The following MAST4 variants were observed in gnomAD, a reference collection of about 807,000 sequenced individuals.
The protein encoded by MAST4 is microtubule associated serine/threonine kinase family member 4.
MAST4 carries 89 observed loss-of-function variants against 162.7 expected under a neutral mutation model. The ratio of observed to expected loss-of-function variants is 0.55; its 90% CI spans 0.46 to 0.65. MAST4 has a LOEUF of 0.65. Ranked by LOEUF, MAST4 falls within the 30% of genes least tolerant of loss-of-function variation. The pLI, the probability that MAST4 is intolerant of heterozygous loss-of-function variation, is 0.00. For synonymous variants in MAST4, 1,479 were observed against 1,361.1 expected (o/e 1.09, Z -1.91); for missense variants, 3,153 against 3,374.0 (o/e 0.93, Z 1.62).
intron 1 of MAST4, among the ~76,000 whole-genome samples, chr5:66,707,747 G>A (rs1750227578): frequency 1.3e-5 from 2 of 152,110 alleles, no homozygotes; most frequent in Non-Finnish European, 2.9e-5. Flanking sequence ...GGGATATGGT[G>A]GTAGGGGGGA....
intron 1 of MAST4, among the ~76,000 whole-genome samples, chr5:66,632,596 A>G (rs926892029): frequency 6.6e-6 from 1 of 152,184 alleles, no homozygotes; most frequent in Non-Finnish European, 1.5e-5. Context: ...TTTCTAGTTT[A>G]TCCAGGTAGT....
At chr5:66,805,194 T>C (rs1356192949) in intron 3 of MAST4, among the ~76,000 whole-genome samples, 1 of 152,246 alleles carries the variant, frequency 6.6e-6, no homozygotes, top group Admixed American at 6.5e-5. Flanking sequence ...TTCCTCTTTT[T>C]CCAGAGATAG....
intron 4 of MAST4, among the ~76,000 whole-genome samples, chr5:66,926,608 G>GTATATGTATATATGTGTGTA: frequency 6.6e-6 from 1 of 150,954 alleles, no homozygotes; most frequent in African/African-American, 2.4e-5. Flanking sequence ...ATATATGTAT[G>GTATATGTATATATGTGTGTA]TATATGTATA....
Position 67,164,754 on chromosome 5 carries a change from C to G in MAST4, c.5575C>G (p.Leu1859Val), listed in dbSNP as rs1467442665. The G allele has an allele frequency of 6.2e-7, 1 of 1,614,004 alleles. No individual in the cohort carries two copies. The highest frequency in any genetic ancestry group is 1.7e-5 in the Admixed American group (1 of 60,024). The change falls in exon 29 of 29, where the codon CTT becomes GTT. Residue 1859 changes from leucine to valine, a missense_variant. Physicochemically the swap from Leu to Val is conservative, Grantham distance 32. This residue lies in a region of MAST4 where 1,644 missense variants were observed against 1,495.0 expected (regional missense o/e 1.10). Coordinates refer to ENST00000403625, the MANE Select transcript of MAST4 (RefSeq NM_001164664.2). The surrounding 1 kb of genome is among the most constrained non-coding windows in gnomAD (Gnocchi z 5.3). ...KKNDTTSARE[L>V]SPSSLKMNKS... is the part of the protein sequence containing the mutation. The stretch of plus-strand genomic sequence containing the variant: ...GAACGATACCACCAGTGCAAGAGAG[C>G]TTTCTCCTTCCAGCTTAAAGATGAA...
rs1380214750 is a variant in MAST4, at chr5:67,110,151, A to T, written c.1410A>T (p.Arg470=). The T allele has an allele frequency of 1.2e-6, 2 of 1,613,846 alleles. No homozygotes were observed. The change falls in exon 11 of 29, where the codon CGA becomes CGT. Residue 470 remains arginine, a synonymous_variant. Coordinates refer to ENST00000403625, the MANE Select transcript of MAST4 (RefSeq NM_001164664.2). ...TGGCATTTATTAAACAACTAGTTCGAAAGATCCTAATTGTTATTGCCCGCC... is the reference window on the plus strand; with the variant it reads ...TGGCATTTATTAAACAACTAGTTCGTAAGATCCTAATTGTTATTGCCCGCC... The part of the protein sequence containing the change: ...GELAFIKQLV[R]KILIVIARPA...
chr5:66,700,537 C>G (rs1465982959), intron 1 of MAST4, among the ~76,000 whole-genome samples: 5 of 151,756 alleles, frequency 3.3e-5, no homozygotes, highest in Non-Finnish European at 7.4e-5. Flanking sequence ...TAAAAACTAG[C>G]CGGGCTGGTG....
At chr5:67,134,137 T>C (rs996804640) in intron 17 of MAST4, among the ~76,000 whole-genome samples, 1 of 152,180 alleles carries the variant, frequency 6.6e-6, no homozygotes. Flanking sequence ...TGTGTGAATA[T>C]ATTTTGGTCA....
intron 11 of MAST4, 41 bp downstream of exon 11, chr5:67,110,240 C>T (rs766341319): frequency 4.9e-6 from 7 of 1,422,164 alleles, no homozygotes; most frequent in East Asian, 2.3e-5. Flanking sequence ...TTATTGTTAA[C>T]TGGGAAAGCA....
chr5:67,132,361 T>C (rs985785807), intron 16 of MAST4, among the ~76,000 whole-genome samples: 2 of 152,090 alleles, frequency 1.3e-5, no homozygotes, highest in South Asian at 2.1e-4. Context: ...ATTAATAACT[T>C]ATCAGCAACA....
chr5:67,036,792 G>A (rs562376673), intron 4 of MAST4, among the ~76,000 whole-genome samples: 192 of 152,176 alleles, frequency 1.3e-3, no homozygotes, highest in Middle Eastern at 3.4e-3. Flanking sequence ...CATAACTCAC[G>A]GATACAGAGA....
At chr5:66,914,336 G>T (rs1463037069) in intron 4 of MAST4, among the ~76,000 whole-genome samples, 1 of 152,198 alleles carries the variant, frequency 6.6e-6, no homozygotes, top group Non-Finnish European at 1.5e-5. Flanking sequence ...AGAGAAGAAG[G>T]ACCAGGCTGG....
chr5:66,920,198 C>G (rs1402049808), intron 4 of MAST4, among the ~76,000 whole-genome samples: 1 of 152,052 alleles, frequency 6.6e-6, no homozygotes, highest in Non-Finnish European at 1.5e-5. Context: ...ACAAACTATG[C>G]TAAATAAAAG....
chr5:66,639,575 CA>C (rs971125484), intron 1 of MAST4, among the ~76,000 whole-genome samples: 1 of 151,842 alleles, frequency 6.6e-6, no homozygotes, highest in Non-Finnish European at 1.5e-5. Flanking sequence ...TGCCTAAGGA[CA>C]AAAAACAGCT....
At chr5:66,916,958 G>A (rs1227794884) in intron 4 of MAST4, 7 of 717,290 alleles carry the variant, frequency 9.8e-6, no homozygotes, top group South Asian at 3.0e-5. Flanking sequence ...ATATCCTTAC[G>A]TACTGGTCCT....
At chr5:66,923,175 G>A (rs542418068) in intron 4 of MAST4, among the ~76,000 whole-genome samples, 35 of 152,268 alleles carry the variant, frequency 2.3e-4, no homozygotes, top group African/African-American at 8.4e-4. Flanking sequence ...CCCATTGTGG[G>A]GCCACAATAA....
At chr5:67,129,407 A>G (rs1375433636) in intron 14 of MAST4, among the ~76,000 whole-genome samples, 1 of 152,160 alleles carries the variant, frequency 6.6e-6, no homozygotes, top group Non-Finnish European at 1.5e-5. Context: ...GTGGATCCCA[A>G]TGGTATCATT....
chr5:67,097,636 TAC>T (rs1450098930), intron 7 of MAST4, among the ~76,000 whole-genome samples: 6 of 152,170 alleles, frequency 3.9e-5, no homozygotes, highest in African/African-American at 1.4e-4. Flanking sequence ...TTTTTAGTCA[TAC>T]ACACATACTT....
At chr5:67,112,369 G>A (rs1217977808) in intron 11 of MAST4, among the ~76,000 whole-genome samples, 1 of 152,154 alleles carries the variant, frequency 6.6e-6, no homozygotes, top group African/African-American at 2.4e-5. Context: ...CCAGCTGGGT[G>A]TCCTCCAATT....
intron 3 of MAST4, among the ~76,000 whole-genome samples, chr5:66,837,649 A>G (rs1041546634): frequency 6.6e-6 from 1 of 151,876 alleles, no homozygotes; most frequent in East Asian, 1.9e-4. Context: ...CCTAAAGCCT[A>G]TAGTCTAGAT....
Sources: gnomAD v4.1 joint callset for allele counts (sites outside exome capture counted in the v4.1 genomes callset) on GRCh38, gnomAD v4.1.1 for gene constraint, gnomAD v4.1.1 regional missense constraint, Gnocchi (gnomAD v3.1) non-coding constraint, MANE v1.5 for transcripts, NCBI Gene and HGNC (gene_info 2026-07-23, HGNC 2026-07-21) for gene names.